The following MBOAT2 variants were observed in gnomAD, a reference collection of about 807,000 sequenced individuals.
The protein encoded by MBOAT2 is membrane bound glycerophospholipid O-acyltransferase 2, also known as membrane-bound glycerophospholipid O-acyltransferase 2.
Under a neutral mutation model 63.4 loss-of-function variants are expected in MBOAT2, and 28 were observed. The ratio of observed to expected loss-of-function variants is 0.44; its 90% CI spans 0.33 to 0.61. MBOAT2 has a LOEUF of 0.61. MBOAT2 is among the 20% of genes least tolerant of loss of function. MBOAT2 has a pLI of 0.03. For missense variants in MBOAT2, 470 were observed against 605.8 expected, an observed-to-expected ratio of 0.78 and a Z score of 2.35; for synonymous variants, 211 against 215.6, an observed-to-expected ratio of 0.98 and a Z score of 0.19.
intron 3 of MBOAT2, among the ~76,000 whole-genome samples, chr2:8,935,166 G>A (rs949796321): frequency 1.3e-5 from 2 of 152,172 alleles, no homozygotes; most frequent in Non-Finnish European, 2.9e-5. Context: ...AGAGGGAAGA[G>A]AAGCAGAGAA....
chr2:8,921,315 C>T (rs899949700), intron 3 of MBOAT2, among the ~76,000 whole-genome samples: 1 of 152,136 alleles, frequency 6.6e-6, no homozygotes, highest in Non-Finnish European at 1.5e-5. Context: ...TTAATACTGA[C>T]TTAATTCTGA....
intron 1 of MBOAT2, among the ~76,000 whole-genome samples, chr2:8,969,234 A>C (rs1327695849): frequency 6.6e-6 from 1 of 152,166 alleles, no homozygotes; most frequent in Admixed American, 6.5e-5. Context: ...CTTAAAGAAA[A>C]GAATTTTCAA....
chr2:8,886,936 G>T (rs1663600871), intron 5 of MBOAT2, among the ~76,000 whole-genome samples: 1 of 152,202 alleles, frequency 6.6e-6, no homozygotes, highest in Non-Finnish European at 1.5e-5. Context: ...ACAGGGTCGA[G>T]TGAGTTTCAC....
Position 8,858,703 on chromosome 2 carries a change from C to G in MBOAT2, c.1539G>C (p.Ser513=). 1 of 1,612,404 alleles carries G rather than the reference C, an allele frequency of 6.2e-7. No individual in the cohort carries two copies. Among genetic ancestry groups the G allele is most frequent in the Non-Finnish European group, 8.5e-7 (1 of 1,179,354 alleles). The change falls in exon 13 of 13, where the codon TCG becomes TCC. Residue 513 remains serine, a synonymous_variant. Coordinates refer to ENST00000305997, the MANE Select transcript of MBOAT2 (RefSeq NM_138799.4). ...ATCACTGCTTTAGTGATGAATGTCTCGAGGCTATTTCTTGATTCTGATTGC... is the reference window on the plus strand; with the variant it reads ...ATCACTGCTTTAGTGATGAATGTCTGGAGGCTATTTCTTGATTCTGATTGC... The part of the protein sequence containing the change: ...NVCNQNQEIA[S]RHSSLKQ
At chr2:8,927,180 C>T (rs1390239859) in intron 3 of MBOAT2, among the ~76,000 whole-genome samples, 1 of 152,098 alleles carries the variant, frequency 6.6e-6, no homozygotes, top group East Asian at 1.9e-4. Flanking sequence ...ACATTCTCTG[C>T]CCAGGGACAC....
At chr2:8,995,466 G>C (rs2103373901) in intron 1 of MBOAT2, among the ~76,000 whole-genome samples, 1 of 152,260 alleles carries the variant, frequency 6.6e-6, no homozygotes, top group East Asian at 1.9e-4. Flanking sequence ...GCCTAGAGTA[G>C]AGTACACAGT....
chr2:8,950,520 C>T (rs138154219), intron 2 of MBOAT2, among the ~76,000 whole-genome samples: 5,281 of 152,182 alleles, frequency 0.035, 136 homozygotes, highest in Non-Finnish European at 0.049. Flanking sequence ...CTCCGCCTCC[C>T]GGGTTCATGC....
chr2:8,866,579 C>G (rs1391598129), intron 9 of MBOAT2, among the ~76,000 whole-genome samples: 1 of 152,180 alleles, frequency 6.6e-6, no homozygotes, highest in Non-Finnish European at 1.5e-5. Flanking sequence ...TTTAAAAGAC[C>G]ATGATCAAAC....
At chr2:8,872,964 C>T (rs1006708402) in intron 8 of MBOAT2, 144 bp downstream of exon 8, 12 of 561,232 alleles carry the variant, frequency 2.1e-5, no homozygotes, top group Admixed American at 6.9e-5. Flanking sequence ...ATATGAGTTG[C>T]GAGGGCTGTT....
In MBOAT2 at chr2:8,946,270, C is replaced by T. The variant is rs565974853; in HGVS notation, c.222-3006G>A. Among the ~76,000 whole-genome samples, 162 of 152,258 alleles carry T rather than the reference C, an allele frequency of 1.1e-3. 1 individual carries two copies. Among genetic ancestry groups the T allele is most frequent in the African/African-American group, 3.7e-3 (152 of 41,556 alleles). ...TGTCCAAAGTCATACAGCCACCAGA[C>T]CAAGGCACCCACACTGGAATACAGG... On this transcript the variant is annotated intron_variant, in intron 2 of 12. Transcript: ENST00000305997.
intron 4 of MBOAT2, among the ~76,000 whole-genome samples, chr2:8,889,802 T>C (rs775489035): frequency 1.3e-5 from 2 of 152,230 alleles, no homozygotes; most frequent in Non-Finnish European, 2.9e-5. Flanking sequence ...CTGTCAGGTA[T>C]ACATAGACAA....
At chr2:8,906,112 C>A (rs911142542) in intron 4 of MBOAT2, among the ~76,000 whole-genome samples, 1 of 152,128 alleles carries the variant, frequency 6.6e-6, no homozygotes, top group Non-Finnish European at 1.5e-5. Flanking sequence ...GTATGCGCCA[C>A]CATGCCTATT....
chr2:8,939,244 C>G (rs922120775), intron 3 of MBOAT2, among the ~76,000 whole-genome samples: 4 of 152,224 alleles, frequency 2.6e-5, no homozygotes, highest in African/African-American at 4.8e-5. Flanking sequence ...CCTTTGCACT[C>G]TGGCACAGCC....
At chr2:8,985,591 A>G (rs2103348215) in intron 1 of MBOAT2, among the ~76,000 whole-genome samples, 1 of 152,214 alleles carries the variant, frequency 6.6e-6, no homozygotes, top group East Asian at 1.9e-4. Flanking sequence ...CTAGCTTCCC[A>G]TAATTATCTG....
At chr2:8,858,971 G>T in intron 12 of MBOAT2, 67 bp from the exon 13 acceptor site, 1 of 1,141,834 alleles carries the variant, frequency 8.8e-7, no homozygotes, top group Non-Finnish European at 1.2e-6. Flanking sequence ...CTGCACACTT[G>T]TCAAAATGTC....
chr2:8,874,774 C>T (rs1662584012), intron 7 of MBOAT2, among the ~76,000 whole-genome samples: 1 of 152,294 alleles, frequency 6.6e-6, no homozygotes, highest in East Asian at 1.9e-4. Flanking sequence ...CCCAGGAGCC[C>T]TCCTCCCCTT....
At chr2:8,860,139 C>T (rs187070018) in intron 12 of MBOAT2, among the ~76,000 whole-genome samples, 232 of 151,426 alleles carry the variant, frequency 1.5e-3, no homozygotes, top group African/African-American at 5.4e-3. Flanking sequence ...GTGAGCCGAG[C>T]GAGATTGCAC....
chr2:8,916,800 C>T (rs1666215573), intron 3 of MBOAT2, among the ~76,000 whole-genome samples: 1 of 152,130 alleles, frequency 6.6e-6, no homozygotes, highest in Admixed American at 6.5e-5. Flanking sequence ...TCTGCCTTCC[C>T]CTCTGTTTAT....
chr2:8,876,719 G>A (rs1410985481), intron 7 of MBOAT2, among the ~76,000 whole-genome samples: 1 of 150,886 alleles, frequency 6.6e-6, no homozygotes, highest in African/African-American at 2.4e-5. Flanking sequence ...AAAGGGGGAA[G>A]GGGGAAGGGG....
Sources: allele counts gnomAD v4.1 joint callset (sites outside exome capture counted in the v4.1 genomes callset), GRCh38; gene constraint gnomAD v4.1.1; transcripts MANE v1.5; gene names NCBI Gene and HGNC (gene_info 2026-07-23, HGNC 2026-07-21).